The following KDM4B variants were observed in gnomAD, a reference collection of about 807,000 sequenced individuals.
The protein encoded by KDM4B is lysine demethylase 4B.
Under a neutral mutation model 125.2 loss-of-function variants are expected in KDM4B, and 32 were observed. The ratio of observed to expected loss-of-function variants is 0.26; its 90% CI spans 0.19 to 0.34. The LOEUF (loss-of-function observed/expected upper bound fraction) is 0.34, where lower values mean the gene tolerates loss of function less well. KDM4B is among the 10% of genes least tolerant of loss of function. The pLI is 1.00. For synonymous variants in KDM4B, 721 were observed against 677.9 expected (o/e 1.06, Z -0.99); for missense variants, 1,190 against 1,577.7 (o/e 0.75, Z 4.16).
chr19:5,011,695 G>A (rs898668521), intron 1 of KDM4B, among the ~76,000 whole-genome samples: 25 of 152,354 alleles, frequency 1.6e-4, no homozygotes, highest in Admixed American at 6.5e-4. Flanking sequence ...TTTTGGACCC[G>A]TGCTCAGACC....
chr19:5,089,969 G>A (rs1302790296), intron 9 of KDM4B, among the ~76,000 whole-genome samples: 1 of 152,190 alleles, frequency 6.6e-6, no homozygotes, highest in Non-Finnish European at 1.5e-5. Context: ...AGAGGTTCAA[G>A]ACCGGCCTGG....
intron 8 of KDM4B, 126 bp downstream of exon 8, chr19:5,077,596 A>G (rs1487106530): frequency 6.6e-6 from 5 of 758,750 alleles, no homozygotes; most frequent in Middle Eastern, 4.9e-4. Flanking sequence ...AGTGATTAGC[A>G]TGCCAGAGGA....
chr19:5,048,608 G>T (rs546516799), intron 6 of KDM4B, among the ~76,000 whole-genome samples: 2 of 152,118 alleles, frequency 1.3e-5, no homozygotes, highest in East Asian at 1.9e-4. Context: ...GGAGAGGGGG[G>T]GGCGGGGGAG....
Position 5,060,793 on chromosome 19 carries a change from G to A in KDM4B, c.627-10217G>A, listed in dbSNP as rs562246545. Among the ~76,000 whole-genome samples, 72 of 152,328 alleles carry A rather than the reference G, an allele frequency of 4.7e-4. 1 individual carries two copies. The highest frequency in any genetic ancestry group is 6.8e-3 in the Middle Eastern group (2 of 294). Reference sequence around the variant, plus strand: ...CTGTGTCACTGGGCACCTGCCCTGCGCACCCTCCCCTGTGACGGGCACTCT... The same window carrying A: ...CTGTGTCACTGGGCACCTGCCCTGCACACCCTCCCCTGTGACGGGCACTCT... On this transcript the variant is annotated intron_variant, in intron 6 of 22. Coordinates refer to ENST00000159111, the MANE Select transcript of KDM4B (RefSeq NM_015015.3).
At chr19:5,047,194 C>T (rs991732471) in intron 5 of KDM4B, 18 of 406,316 alleles carry the variant, frequency 4.4e-5, no homozygotes, top group African/African-American at 3.0e-4. Context: ...GTCCCAGGTA[C>T]TCAGGAGACT....
intron 8 of KDM4B, chr19:5,077,960 C>G (rs1054889563): frequency 6.1e-6 from 1 of 164,036 alleles, no homozygotes; most frequent in Non-Finnish European, 1.3e-5. Context: ...TTCGGGCTCT[C>G]CTGCACCGTG....
chr19:5,059,485 A>G (rs903935125), intron 6 of KDM4B, among the ~76,000 whole-genome samples: 5 of 152,222 alleles, frequency 3.3e-5, no homozygotes, highest in Non-Finnish European at 5.9e-5. Context: ...CCGGAGCTCC[A>G]GAGCCCAGCC....
chr19:5,146,956 A>AC (rs1555722988), intron 21 of KDM4B, among the ~76,000 whole-genome samples: 8 of 150,558 alleles, frequency 5.3e-5, no homozygotes, highest in African/African-American at 1.5e-4. Context: ...AAAAAAAAAA[A>AC]AAAAAACAAA....
chr19:5,017,119 G>T (rs944288819), intron 2 of KDM4B, among the ~76,000 whole-genome samples: 27 of 152,356 alleles, frequency 1.8e-4, no homozygotes, highest in African/African-American at 6.3e-4. Flanking sequence ...GGAGGAAGGG[G>T]CCCATCCAGG....
intron 9 of KDM4B, among the ~76,000 whole-genome samples, chr19:5,083,121 T>A (rs1467049187): frequency 6.6e-6 from 1 of 152,140 alleles, no homozygotes; most frequent in African/African-American, 2.4e-5. Context: ...TTTTTTCTGG[T>A]GATTCTCGTT....
At chr19:5,150,025 G>T (rs567417755) in intron 21 of KDM4B, among the ~76,000 whole-genome samples, 1 of 152,330 alleles carries the variant, frequency 6.6e-6, no homozygotes, top group East Asian at 1.9e-4. Context: ...CTTGTCCTGG[G>T]GCTGTGTCTT....
chr19:5,023,685 G>T (rs1176979432), intron 2 of KDM4B, among the ~76,000 whole-genome samples: 1 of 152,052 alleles, frequency 6.6e-6, no homozygotes, highest in Non-Finnish European at 1.5e-5. Context: ...ACGAGGGCTC[G>T]AGGGAGCCCC....
intron 6 of KDM4B, among the ~76,000 whole-genome samples, chr19:5,058,336 C>T (rs1233492748): frequency 1.3e-5 from 2 of 152,188 alleles, no homozygotes; most frequent in South Asian, 4.1e-4. Context: ...AGACACTCCA[C>T]GCGCAACCCC....
intron 6 of KDM4B, 84 bp downstream of exon 6, chr19:5,047,753 G>A (rs953380687): frequency 7.1e-6 from 10 of 1,413,118 alleles, no homozygotes; most frequent in Admixed American, 2.0e-5. Context: ...GCTGGGCGCC[G>A]TGGCAGGGGC....
intron 6 of KDM4B, among the ~76,000 whole-genome samples, chr19:5,063,908 T>C (rs1250685700): frequency 2.0e-5 from 3 of 152,190 alleles, no homozygotes; most frequent in East Asian, 1.9e-4. Flanking sequence ...GGCTCGTCTT[T>C]AGCTGGCTCC....
rs2036744655 is a variant in KDM4B, at chr19:5,039,727, G to A, written c.142-109G>A. 2.4e-6 allele frequency: 3 copies of A among 1,264,340 alleles called. No individual in the cohort carries two copies. The South Asian group carries it at 4.2e-5, about 18-fold the overall frequency. 78.3% of individuals were successfully genotyped at this position (1,264,340 alleles called of 1,614,324 possible). On this transcript the variant is annotated intron_variant, in intron 3 of 22. Transcript: ENST00000159111. ...TCGTGCCCCTGGGGGGTGTCCCGAG[G>A]TGCAGATCTTGGGGGGTGCTGGTCT...
In KDM4B at chr19:4,988,043, C is replaced by A. The variant is rs1159722728; in HGVS notation, c.-109+18813C>A. The stretch of plus-strand genomic sequence containing the variant: ...GTGGGAATAACAAACTCAGTTTCTC[C>A]CAGGCTGTCAGAGCAGTCACAGATC... On this transcript the variant is annotated intron_variant, in intron 1 of 22. Transcript: ENST00000159111. Among the ~76,000 whole-genome samples, 2 of 152,170 alleles carry A rather than the reference C, an allele frequency of 1.3e-5. 1 individual carries two copies. The highest frequency in any genetic ancestry group is 4.1e-4 in the South Asian group (2 of 4,832).
intron 1 of KDM4B, among the ~76,000 whole-genome samples, chr19:4,999,145 C>G (rs145112655): frequency 2.2e-4 from 34 of 152,282 alleles, no homozygotes; most frequent in African/African-American, 8.2e-4. Context: ...ATTTCTTCTG[C>G]GTTTATTAGT....
At chr19:5,022,323 C>T (rs1187040015) in intron 2 of KDM4B, among the ~76,000 whole-genome samples, 1 of 152,176 alleles carries the variant, frequency 6.6e-6, no homozygotes. Flanking sequence ...TGTCCTTCCT[C>T]ACACCACCTC....
Sources: gnomAD v4.1 joint callset for allele counts (sites outside exome capture counted in the v4.1 genomes callset) on GRCh38, gnomAD v4.1.1 for gene constraint, MANE v1.5 for transcripts, NCBI Gene and HGNC (gene_info 2026-07-23, HGNC 2026-07-21) for gene names.